SP140: variants seen among roughly 807,000 people sequenced by gnomAD.
The protein encoded by SP140 is nuclear body protein SP140.
In SP140, 81 loss-of-function variants were observed where a neutral mutation model predicts 125.0. The observed-to-expected ratio is 0.65, with a 90% CI of 0.54 to 0.78. The LOEUF (loss-of-function observed/expected upper bound fraction) is 0.78, where lower values mean the gene tolerates loss of function less well. SP140 is among the 30% of genes least tolerant of loss of function. SP140 has a pLI of 0.00. For missense variants in SP140, 858 were observed against 1,037.0 expected, an observed-to-expected ratio of 0.83 and a Z score of 2.37; for synonymous variants, 312 against 354.0, an observed-to-expected ratio of 0.88 and a Z score of 1.33.
In SP140 at chr2:230,225,822, G is replaced by A. The variant is rs1053935566; in HGVS notation, c.-23G>A. ...GGAACGGGGCAGTGAAAATCGAATC[G>A]GGTGTGATCCTAGGCCAAGCTCATG... On this transcript the variant is annotated 5_prime_UTR_variant, in exon 1 of 27. Coordinates refer to ENST00000392045, the MANE Select transcript of SP140 (RefSeq NM_007237.5). 71 of 1,610,356 alleles carry A rather than the reference G, an allele frequency of 4.4e-5. No homozygotes were observed. The highest frequency in any genetic ancestry group is 5.5e-5 in the Non-Finnish European group (65 of 1,176,694).
intron 8 of SP140, 69 bp from the exon 9 acceptor site, chr2:230,248,816 G>A (rs1486066220): frequency 1.6e-5 from 20 of 1,282,032 alleles, no homozygotes; most frequent in Non-Finnish European, 9.1e-6. Context: ...CATCTTGGAT[G>A]GCATGAACAC....
At chr2:230,194,800 C>T in the SP140 span, among the ~76,000 whole-genome samples, 1 of 152,172 alleles carries the variant, frequency 6.6e-6, no homozygotes, top group Non-Finnish European at 1.5e-5. Context: ...TTGTCTGATG[C>T]CTCATGTCCA....
intron 14 of SP140, 131 bp downstream of exon 14, chr2:230,270,084 G>C (rs1264807771): frequency 1.5e-6 from 1 of 650,350 alleles, no homozygotes; most frequent in Non-Finnish European, 2.8e-6. Flanking sequence ...AGCCTTTGGG[G>C]AGCTGCAGGG....
chr2:230,290,652 C>A, intron 19 of SP140, 88 bp downstream of exon 19: 1 of 1,150,418 alleles, frequency 8.7e-7, no homozygotes, highest in Non-Finnish European at 1.3e-6. Flanking sequence ...ACACATCATT[C>A]AAGGAGTTTG....
At chr2:230,269,409 T>A (rs2053600325) in intron 12 of SP140, 123 bp from the exon 13 acceptor site, 1 of 679,992 alleles carries the variant, frequency 1.5e-6, no homozygotes, top group African/African-American at 1.8e-5. Context: ...AGCAGGTATA[T>A]TTTTTTCCAG....
chr2:230,218,823 A>G (rs2045518524), intron 3 of SP140, among the ~76,000 whole-genome samples: 1 of 152,272 alleles, frequency 6.6e-6, no homozygotes, highest in South Asian at 2.1e-4. Flanking sequence ...GCAAAAGACA[A>G]ACATCCAACT....
upstream of SP140, among the ~76,000 whole-genome samples, chr2:230,224,627 C>T (rs979445467): frequency 2.6e-5 from 4 of 152,162 alleles, no homozygotes; most frequent in African/African-American, 9.7e-5. Flanking sequence ...AGAAAGAAAG[C>T]AGAAGTGTGG....
At chr2:230,305,244 T>A (rs1322717752) in intron 22 of SP140, among the ~76,000 whole-genome samples, 1 of 152,080 alleles carries the variant, frequency 6.6e-6, no homozygotes, top group Non-Finnish European at 1.5e-5. Flanking sequence ...AACTTAAAGA[T>A]CAAAAAATAA....
At chr2:230,270,735 T>G (rs1012332088) in intron 15 of SP140, 96 bp downstream of exon 15, 1 of 1,178,892 alleles carries the variant, frequency 8.5e-7, no homozygotes, top group Admixed American at 1.9e-5. Flanking sequence ...TCTGTTATTA[T>G]TTGTAATACT....
chr2:230,263,036 G>C (rs1189414203), intron 12 of SP140, among the ~76,000 whole-genome samples: 4 of 152,156 alleles, frequency 2.6e-5, no homozygotes, highest in African/African-American at 7.2e-5. Flanking sequence ...TTGATGACCT[G>C]TCTAGTGCTG....
chr2:230,203,008 A>C, upstream of SP140: 1 of 457,612 alleles, frequency 2.2e-6, no homozygotes, highest in South Asian at 2.2e-5. Context: ...TTATTTCCTG[A>C]TTTTCGTTTG....
chr2:230,248,806 C>A (rs1370578402), intron 8 of SP140, 79 bp from the exon 9 acceptor site: 5 of 1,150,228 alleles, frequency 4.3e-6, no homozygotes, highest in Non-Finnish European at 6.5e-6. Context: ...AGCATTTGCC[C>A]ATCTTGGATG....
rs1028345799 is a variant in SP140 at position 230,290,705 on chromosome 2, T to C, written c.1825+141T>C. ...GGGAAGGAGGAAGGGATTTCTAAGA[T>C]GACGTTTACAGACTTTAAGAAATCG... On this transcript the variant is annotated intron_variant, in intron 19 of 26. Coordinates refer to ENST00000392045, the MANE Select transcript of SP140 (RefSeq NM_007237.5). 17 of 691,968 alleles carry C rather than the reference T, an allele frequency of 2.5e-5. No individual in the cohort carries two copies. In the Admixed American group the frequency reaches 4.0e-4, roughly 16 times the overall value. 42.9% of individuals were successfully genotyped at this position (691,968 alleles called of 1,614,324 possible).
In SP140 at chr2:230,294,420, C is replaced by T. The variant is rs977202716; in HGVS notation, c.2016+102C>T. On this transcript the variant is annotated intron_variant, in intron 21 of 26. Coordinates refer to ENST00000392045, the MANE Select transcript of SP140 (RefSeq NM_007237.5). ...CTGAAATTGGGTAGGAATAATTAAGCTTTCACCTTCTTCACTACTCACCTT... is the reference window on the plus strand; with the variant it reads ...CTGAAATTGGGTAGGAATAATTAAGTTTTCACCTTCTTCACTACTCACCTT... 4.8e-6 allele frequency: 4 copies of T among 828,650 alleles called. No individual in the cohort carries two copies. The African/African-American group carries it at 5.1e-5, about 11-fold the overall frequency. The allele number at this position is 828,650 out of a possible 1,614,324, so 51.3% of individuals were successfully genotyped here.
chr2:230,299,026 G>A (rs754398345), intron 22 of SP140, among the ~76,000 whole-genome samples: 1 of 152,212 alleles, frequency 6.6e-6, no homozygotes, highest in Non-Finnish European at 1.5e-5. Context: ...AAGAACCAGA[G>A]AAATCAAATC....
rs569118981 is a variant in SP140 at position 230,241,444 on chromosome 2, C to A, written c.447C>A (p.Asn149Lys). The A allele has an allele frequency of 2.9e-4, 465 of 1,597,840 alleles. No homozygotes were observed. Among genetic ancestry groups the A allele is most frequent in the Non-Finnish European group, 3.5e-4 (410 of 1,165,326 alleles). Residue 149 changes from asparagine to lysine, a missense_variant, in exon 4 of 27, where the codon AAC (asparagine) becomes AAA (lysine). Asn to Lys is a moderately conservative substitution (Grantham distance 94). Transcript: ENST00000392045. ...CACCTCTCCAAATGAATAATGTAAACGATTTAGAAGATAGACCCAGATTAC... is the reference window on the plus strand; with the variant it reads ...CACCTCTCCAAATGAATAATGTAAAAGATTTAGAAGATAGACCCAGATTAC... ...EHSPLQMNNV[N>K]DLEDRPRLLP...
chr2:230,265,724 G>A (rs1418531475), intron 12 of SP140, among the ~76,000 whole-genome samples: 1 of 152,068 alleles, frequency 6.6e-6, no homozygotes, highest in Admixed American at 6.6e-5. Context: ...TCTCCAGTGG[G>A]GGTGTGTGTT....
In SP140 at chr2:230,204,671, G is replaced by GAGAC. The variant is rs572585114; in HGVS notation, c.-323+1394_-323+1397dup. ...CAGGACATTACCATCTAGCCTAGAA[G>GAGAC]AGACACATTATGTAAGTAATTACAA... On this transcript the variant is annotated intron_variant, in intron 1 of 4. Coordinates refer to the SP140 transcript ENST00000456542. Among the ~76,000 whole-genome samples the GAGAC allele has an allele frequency of 1.0e-3, 154 of 151,918 alleles. 1 individual carries two copies. Among genetic ancestry groups the GAGAC allele is most frequent in the African/African-American group, 3.3e-3 (135 of 41,396 alleles).
intron 1 of SP140, among the ~76,000 whole-genome samples, chr2:230,228,983 C>A (rs1049163383): frequency 6.6e-6 from 1 of 151,904 alleles, no homozygotes; most frequent in Non-Finnish European, 1.5e-5. Context: ...TTTTTTCCTG[C>A]CTTTTCTGGT....
Sources: gnomAD v4.1 joint callset for allele counts (sites outside exome capture counted in the v4.1 genomes callset) on GRCh38, gnomAD v4.1.1 for gene constraint, MANE v1.5 for transcripts, NCBI Gene and HGNC (gene_info 2026-07-23, HGNC 2026-07-21) for gene names.